YES1: variants seen among roughly 807,000 people sequenced by gnomAD.
YES1 encodes tyrosine-protein kinase Yes.
YES1 carries 39 observed loss-of-function variants against 70.4 expected under a neutral mutation model. The ratio of observed to expected loss-of-function variants is 0.55; its 90% CI spans 0.43 to 0.72. YES1 has a LOEUF of 0.72. Among genes scored for constraint, YES1 ranks in the 30% least tolerant of loss-of-function variants. YES1 has a pLI of 0.00. For synonymous variants in YES1, 198 were observed against 218.6 expected, an observed-to-expected ratio of 0.91 and a Z score of 0.83; for missense variants, 495 against 644.8, an observed-to-expected ratio of 0.77 and a Z score of 2.52.
chr18:751,639 A>G, intron 3 of YES1, 66 bp downstream of exon 3: 1 of 1,069,292 alleles, frequency 9.4e-7, no homozygotes. Context: ...CAACCAGCTC[A>G]GTGGTTCCTG....
chr18:788,716 T>C (rs1245936032), intron 1 of YES1, among the ~76,000 whole-genome samples: 1 of 152,150 alleles, frequency 6.6e-6, no homozygotes, highest in Non-Finnish European at 1.5e-5. Context: ...AGCCAGGAGT[T>C]TGAGACCGGC....
chr18:740,904 CTT>C (rs2080209696), intron 8 of YES1, among the ~76,000 whole-genome samples: 1 of 151,968 alleles, frequency 6.6e-6, no homozygotes, highest in Non-Finnish European at 1.5e-5. Context: ...TTGTTAAAGT[CTT>C]TATTTATTTG....
chr18:729,903 G>A (rs949016325), intron 11 of YES1, among the ~76,000 whole-genome samples: 1 of 152,110 alleles, frequency 6.6e-6, no homozygotes, highest in Admixed American at 6.6e-5. Context: ...GGGATTACAG[G>A]CGTGAGCCAC....
At chr18:767,507 A>C (rs1398344222) in intron 1 of YES1, among the ~76,000 whole-genome samples, 1 of 152,036 alleles carries the variant, frequency 6.6e-6, no homozygotes, top group Non-Finnish European at 1.5e-5. Context: ...TTTGTTGAAA[A>C]ACCTATCCAT....
chr18:784,893 T>C (rs1905857255), intron 1 of YES1, among the ~76,000 whole-genome samples: 1 of 152,214 alleles, frequency 6.6e-6, no homozygotes, highest in Non-Finnish European at 1.5e-5. Context: ...TAACCTAATA[T>C]ATTCAAAGGT....
chr18:793,263 A>T (rs1314232770), intron 1 of YES1, among the ~76,000 whole-genome samples: 3 of 151,756 alleles, frequency 2.0e-5, no homozygotes, highest in Non-Finnish European at 4.4e-5. Context: ...ATGGTCTCAA[A>T]CTCCAGACCT....
At chr18:793,896 T>A (rs1205844356) in intron 1 of YES1, among the ~76,000 whole-genome samples, 2 of 152,144 alleles carry the variant, frequency 1.3e-5, no homozygotes, top group Non-Finnish European at 2.9e-5. Flanking sequence ...TTACAACTAG[T>A]TGACTAAGAT....
At chr18:734,662 G>A (rs969963297) in intron 10 of YES1, among the ~76,000 whole-genome samples, 2 of 151,818 alleles carry the variant, frequency 1.3e-5, no homozygotes, top group Non-Finnish European at 2.9e-5. Flanking sequence ...CCTTACTCCT[G>A]TAAGAATGGC....
chr18:745,898 A>G, intron 5 of YES1, 41 bp from the exon 6 acceptor site: 1 of 1,605,148 alleles, frequency 6.2e-7, no homozygotes, highest in Non-Finnish European at 8.5e-7. Context: ...CTTTCTCAAA[A>G]TACTGCCCCA....
intron 8 of YES1, among the ~76,000 whole-genome samples, chr18:742,296 G>C (rs751172245): frequency 6.6e-6 from 1 of 151,968 alleles, no homozygotes; most frequent in Non-Finnish European, 1.5e-5. Context: ...GTGGTCTAGA[G>C]TTAAGGAAAA....
intron 11 of YES1, among the ~76,000 whole-genome samples, chr18:725,302 TCC>T (rs1415379671): frequency 3.9e-5 from 6 of 152,056 alleles, no homozygotes; most frequent in Non-Finnish European, 7.4e-5. Flanking sequence ...ACGTCCTATC[TCC>T]CGCATCACCT....
At chr18:761,760 T>C (rs1433940972) in intron 1 of YES1, among the ~76,000 whole-genome samples, 1 of 152,198 alleles carries the variant, frequency 6.6e-6, no homozygotes, top group Non-Finnish European at 1.5e-5. Flanking sequence ...AGCACCCCAG[T>C]ATCAATGCAT....
intron 8 of YES1, among the ~76,000 whole-genome samples, chr18:740,209 G>A (rs751552816): frequency 4.6e-5 from 7 of 152,118 alleles, no homozygotes; most frequent in South Asian, 2.1e-4. Flanking sequence ...TAAATGAGTC[G>A]CTGTGGAACT....
intron 1 of YES1, among the ~76,000 whole-genome samples, chr18:811,378 G>C (rs1005270666): frequency 6.6e-6 from 1 of 152,166 alleles, no homozygotes; most frequent in African/African-American, 2.4e-5. Context: ...CACCAGACTT[G>C]ATTTTCAAAG....
chr18:757,587 T>C (rs1198196341), intron 1 of YES1, among the ~76,000 whole-genome samples: 1 of 151,156 alleles, frequency 6.6e-6, no homozygotes. Flanking sequence ...TTGGGATGCC[T>C]AGGCGGACCG....
At chr18:730,178 T>C (rs1319064424) in intron 11 of YES1, among the ~76,000 whole-genome samples, 1 of 152,058 alleles carries the variant, frequency 6.6e-6, no homozygotes, top group African/African-American at 2.4e-5. Flanking sequence ...AAGCCTAGCG[T>C]ATTCTCCAAC....
chr18:724,649 A>G lies in YES1; in HGVS notation c.1424-17T>C, dbSNP rs1379854321. 1.2e-6 allele frequency: 2 copies of G among 1,608,442 alleles called. No homozygotes were observed. Among genetic ancestry groups the G allele is most frequent in the Admixed American group, 3.3e-5 (2 of 59,984 alleles). ...TCACCATACCTAATACACAAGATTA[A>G]AACATTAAAGAACAATGGTCCTAAC... On this transcript the variant is annotated splice_polypyrimidine_tract_variant and intron_variant, in intron 11 of 11. Coordinates refer to ENST00000314574, the MANE Select transcript of YES1 (RefSeq NM_005433.4).
intron 1 of YES1, among the ~76,000 whole-genome samples, chr18:762,053 G>A (rs1170892106): frequency 2.0e-5 from 3 of 152,192 alleles, no homozygotes; most frequent in Non-Finnish European, 2.9e-5. Flanking sequence ...GGGCGTGGTG[G>A]TGCATGCCTG....
At chr18:740,623 G>A (rs904184041) in intron 8 of YES1, among the ~76,000 whole-genome samples, 1 of 152,188 alleles carries the variant, frequency 6.6e-6, no homozygotes, top group South Asian at 2.1e-4. Flanking sequence ...ATGCTGGAGT[G>A]CATGGGACAA....
Sources: allele counts gnomAD v4.1 joint callset (sites outside exome capture counted in the v4.1 genomes callset), GRCh38; gene constraint gnomAD v4.1.1; transcripts MANE v1.5; gene names NCBI Gene and HGNC (gene_info 2026-07-23, HGNC 2026-07-21).